Variants in PLA2R1 observed in about 807,000 individuals in gnomAD.
PLA2R1 encodes secretory phospholipase A2 receptor.
Under a neutral mutation model 195.9 loss-of-function variants are expected in PLA2R1, and 158 were observed. That is an observed-to-expected ratio of 0.81 (90% CI 0.71 to 0.92). PLA2R1 has a LOEUF of 0.92. Ranked by LOEUF, PLA2R1 falls within the 40% of genes least tolerant of loss-of-function variation. PLA2R1 has a pLI of 0.00. For synonymous variants in PLA2R1, 586 were observed against 598.2 expected (o/e 0.98, Z 0.30); for missense variants, 1,626 against 1,764.6 (o/e 0.92, Z 1.41).
chr2:159,977,536 C>G, intron 14 of PLA2R1, 120 bp from the exon 15 acceptor site: 1 of 693,394 alleles, frequency 1.4e-6, no homozygotes, highest in Non-Finnish European at 2.3e-6. Flanking sequence ...TCAGAAATGT[C>G]TGGATGTCAT....
At chr2:159,957,517 G>A (rs1688167894) in intron 20 of PLA2R1, among the ~76,000 whole-genome samples, 2 of 151,994 alleles carry the variant, frequency 1.3e-5, no homozygotes, top group South Asian at 4.2e-4. Flanking sequence ...ACCATGCCTG[G>A]CTAATTTTTG....
intron 13 of PLA2R1, among the ~76,000 whole-genome samples, chr2:159,981,878 T>A (rs1006706197): frequency 6.6e-6 from 1 of 152,164 alleles, no homozygotes; most frequent in Non-Finnish European, 1.5e-5. Flanking sequence ...TGAGTCTCAC[T>A]ATGCTGCCTA....
chr2:159,953,349 A>C (rs1379338753), intron 23 of PLA2R1, among the ~76,000 whole-genome samples: 1 of 152,270 alleles, frequency 6.6e-6, no homozygotes, highest in Non-Finnish European at 1.5e-5. Context: ...CTTTGGGCTC[A>C]AGCCCAATGT....
intron 11 of PLA2R1, among the ~76,000 whole-genome samples, chr2:159,990,002 T>C (rs1261587738): frequency 6.6e-6 from 1 of 152,188 alleles, no homozygotes; most frequent in Non-Finnish European, 1.5e-5. Context: ...AGAAGTGTTA[T>C]TGGTATTCTA....
chr2:159,938,752 G>A lies in PLA2R1; in HGVS notation c.*3026C>T. ...CTCCCCTCAACACTACCAGGACACA[G>A]CAAGTTCTTATATATCCAACCACCA... On this transcript the variant is annotated 3_prime_UTR_variant, in exon 30 of 30. Transcript: ENST00000283243. 1 of 152,298 alleles carries A rather than the reference G, an allele frequency of 6.6e-6. No homozygotes were observed. The allele number at this position is 152,298 out of a possible 1,614,324, so 9.4% of individuals were successfully genotyped here.
At chr2:159,951,599 A>G (rs1465395439) in intron 23 of PLA2R1, 21 bp from the exon 24 acceptor site, 7 of 1,240,928 alleles carry the variant, frequency 5.6e-6, no homozygotes, top group Non-Finnish European at 8.4e-6. Context: ...AACAGCAACA[A>G]AAGTCATTTG....
intron 8 of PLA2R1, among the ~76,000 whole-genome samples, chr2:160,018,110 T>C (rs1394934185): frequency 6.6e-6 from 1 of 152,134 alleles, no homozygotes; most frequent in East Asian, 1.9e-4. Context: ...ATCTACTATT[T>C]AAGGAGCTTC....
chr2:159,963,889 G>T (rs1688611539), intron 20 of PLA2R1, among the ~76,000 whole-genome samples: 1 of 152,070 alleles, frequency 6.6e-6, no homozygotes, highest in African/African-American at 2.4e-5. Context: ...ACATTCAAAA[G>T]AATTGAAAAT....
At chr2:159,987,502 T>C (rs1690437083) in intron 11 of PLA2R1, 144 bp from the exon 12 acceptor site, 2 of 620,890 alleles carry the variant, frequency 3.2e-6, no homozygotes, top group South Asian at 3.9e-5. Flanking sequence ...GAATGTCTTA[T>C]TGACCTGATT....
chr2:160,049,713 C>T (rs539764569), intron 1 of PLA2R1, among the ~76,000 whole-genome samples: 1 of 152,238 alleles, frequency 6.6e-6, no homozygotes, highest in Admixed American at 6.5e-5. Context: ...GTATTCCCAG[C>T]TACTCGGGAA....
chr2:160,058,534 T>C (rs945090099), intron 1 of PLA2R1, among the ~76,000 whole-genome samples: 1 of 151,802 alleles, frequency 6.6e-6, no homozygotes, highest in Non-Finnish European at 1.5e-5. Flanking sequence ...TTTTCAACCC[T>C]CAACAAAGCT....
chr2:159,946,438 TC>T, intron 27 of PLA2R1: 1 of 994,250 alleles, frequency 1.0e-6, no homozygotes, highest in Non-Finnish European at 1.2e-6. Flanking sequence ...TGGAAACATT[TC>T]CATAACTCTA....
intron 1 of PLA2R1, among the ~76,000 whole-genome samples, chr2:160,055,966 C>G (rs1024578996): frequency 1.3e-5 from 2 of 152,082 alleles, no homozygotes; most frequent in Middle Eastern, 3.2e-3. Flanking sequence ...GCAGCTACCC[C>G]CCTTCCTCGC....
Position 160,013,260 on chromosome 2 carries a change from T to C in PLA2R1, c.1664+3A>G. On this transcript the variant is annotated splice_donor_region_variant and intron_variant, in intron 10 of 29. Coordinates refer to ENST00000283243, the MANE Select transcript of PLA2R1 (RefSeq NM_007366.5). ...TGTTTCTGTTAAAAAAAGTTTAATT[T>C]ACCTGTTTGTAATGGTTACAAGTGC... 1 of 1,514,104 alleles carries C rather than the reference T, an allele frequency of 6.6e-7. No individual in the cohort carries two copies. Among genetic ancestry groups the C allele is most frequent in the Non-Finnish European group, 9.2e-7 (1 of 1,091,478 alleles). 93.8% of individuals were successfully genotyped at this position (1,514,104 alleles called of 1,614,324 possible). A position where few individuals can be genotyped will look rare whatever the true frequency, so the allele number is the denominator to read the frequency against.
In PLA2R1 at chr2:159,933,173, G is replaced by A. The variant is rs1686660229; in HGVS notation, c.*8605C>T. 1 of 152,174 alleles carries A rather than the reference G, an allele frequency of 6.6e-6. No homozygotes were observed. The highest frequency in any genetic ancestry group is 1.5e-5 in the Non-Finnish European group (1 of 68,024). 9.4% of individuals were successfully genotyped at this position (152,174 alleles called of 1,614,324 possible). A position where few individuals can be genotyped will look rare whatever the true frequency, so the allele number is the denominator to read the frequency against. ...GTTCTAAATTACAGCAAAGTGCTCTGCAAGAAACAAGTGCTTGTGTTAATT... is the reference window on the plus strand; with the variant it reads ...GTTCTAAATTACAGCAAAGTGCTCTACAAGAAACAAGTGCTTGTGTTAATT... On this transcript the variant is annotated 3_prime_UTR_variant, in exon 30 of 30. Transcript: ENST00000283243.
rs569121905 is a variant in PLA2R1, at chr2:159,987,569, A to C, written c.1835-211T>G. Among the ~76,000 whole-genome samples, 16 of 152,296 alleles carry C rather than the reference A, an allele frequency of 1.1e-4. 1 individual carries two copies. Among genetic ancestry groups the C allele is most frequent in the African/African-American group, 3.6e-4 (15 of 41,570 alleles). ...ATGCAAGATGGGAAAGAGAGAAAAG[A>C]GAGTGTGAAGGCTGAAATTTGGACC... On this transcript the variant is annotated intron_variant, in intron 11 of 29. Transcript: ENST00000283243.
chr2:159,964,806 G>A (rs567048868), intron 20 of PLA2R1, among the ~76,000 whole-genome samples: 8 of 152,120 alleles, frequency 5.3e-5, no homozygotes, highest in African/African-American at 1.2e-4. Context: ...CAAGGCGGGC[G>A]GATCACCTGA....
At chr2:159,969,117 G>A (rs1341279994) in intron 19 of PLA2R1, 139 bp downstream of exon 19, 5 of 570,990 alleles carry the variant, frequency 8.8e-6, no homozygotes, top group Non-Finnish European at 1.5e-5. Flanking sequence ...TAAGCCTTAT[G>A]GCAGACAAAA....
intron 20 of PLA2R1, among the ~76,000 whole-genome samples, chr2:159,959,108 T>C (rs950674856): frequency 6.6e-6 from 1 of 152,246 alleles, no homozygotes; most frequent in Non-Finnish European, 1.5e-5. Context: ...TTTAATTTTA[T>C]AACAACTATC....
Sources: gnomAD v4.1 joint callset for allele counts (sites outside exome capture counted in the v4.1 genomes callset) on GRCh38, gnomAD v4.1.1 for gene constraint, MANE v1.5 for transcripts, NCBI Gene and HGNC (gene_info 2026-07-23, HGNC 2026-07-21) for gene names.